The following GPR39 variants were observed in gnomAD, a reference collection of about 807,000 sequenced individuals.
The protein encoded by GPR39 is zinc sensing receptor.
A neutral mutation model predicts 18.4 loss-of-function variants in GPR39; 23 were observed. That is an observed-to-expected ratio of 1.25 (90% confidence interval 0.90 to 1.77). The LOEUF (loss-of-function observed/expected upper bound fraction) is 1.77. Among genes scored for constraint, GPR39 ranks in the 40% most tolerant of loss-of-function variants. GPR39 has a pLI of 0.00. For missense variants in GPR39, 647 were observed against 602.4 expected (o/e 1.07, Z -0.78); for synonymous variants, 280 against 257.9 (o/e 1.09, Z -0.82).
intron 1 of GPR39, among the ~76,000 whole-genome samples, chr2:132,528,189 C>T (rs895542369): frequency 6.6e-6 from 1 of 152,280 alleles, no homozygotes; most frequent in Non-Finnish European, 1.5e-5. Context: ...AATGGGGAAT[C>T]CTTTCTCCAT....
chr2:132,488,534 G>C (rs1416501673), intron 1 of GPR39: 3 of 153,610 alleles, frequency 2.0e-5, no homozygotes, highest in Non-Finnish European at 4.4e-5. Flanking sequence ...AGTGGTGGTG[G>C]AGATGGTAAG....
At chr2:132,631,135 G>A (rs1415789990) in intron 1 of GPR39, among the ~76,000 whole-genome samples, 2 of 152,168 alleles carry the variant, frequency 1.3e-5, no homozygotes, top group East Asian at 1.9e-4. Context: ...GCAGCTCCTG[G>A]AGGTGCTCTG....
intron 1 of GPR39, among the ~76,000 whole-genome samples, chr2:132,640,747 C>G (rs541156995): frequency 6.6e-6 from 1 of 152,210 alleles, no homozygotes; most frequent in African/African-American, 2.4e-5. Context: ...TTTGTCTTAG[C>G]CACAGGGTAG....
intron 1 of GPR39, among the ~76,000 whole-genome samples, chr2:132,639,729 T>G (rs1374222973): frequency 3.3e-5 from 5 of 152,184 alleles, no homozygotes; most frequent in African/African-American, 4.8e-5. Context: ...TCCCTTGGGC[T>G]GGGACTTTAC....
chr2:132,463,812 T>G (rs545375785), intron 1 of GPR39, among the ~76,000 whole-genome samples: 1 of 152,252 alleles, frequency 6.6e-6, no homozygotes, highest in Admixed American at 6.5e-5. Flanking sequence ...CTGGTTTTGC[T>G]TGGGCTCACT....
intron 1 of GPR39, 95 bp downstream of exon 1, chr2:132,417,993 C>A (rs1354904511): frequency 4.1e-6 from 6 of 1,449,942 alleles, no homozygotes; most frequent in Non-Finnish European, 5.5e-6. Context: ...GCAAGTCTTG[C>A]CCTAGAATTG....
intron 1 of GPR39, among the ~76,000 whole-genome samples, chr2:132,438,230 A>T (rs1382425376): frequency 1.3e-5 from 2 of 152,204 alleles, no homozygotes; most frequent in African/African-American, 4.8e-5. Flanking sequence ...GCTTATATAT[A>T]ATTAGGTCAT....
intron 1 of GPR39, among the ~76,000 whole-genome samples, chr2:132,568,883 G>A (rs1680395244): frequency 6.6e-6 from 1 of 152,100 alleles, no homozygotes; most frequent in African/African-American, 2.4e-5. Flanking sequence ...CAGGAGAGCT[G>A]CCAAGAGCCA....
Position 132,423,013 on chromosome 2 carries a change from G to A in GPR39, c.856+5115G>A, listed in dbSNP as rs151140654. Among the ~76,000 whole-genome samples, 9 of 152,048 alleles carry A rather than the reference G, an allele frequency of 5.9e-5. No homozygotes were observed. The East Asian group carries it at 1.5e-3, about 26-fold the overall frequency. On this transcript the variant is annotated intron_variant, in intron 1 of 1. Transcript: ENST00000329321. ...AAAGCCATTTACGAGTTGAGACAGCGCCGTGGAAGAATATTGAATTGGGAG... is the reference window on the plus strand; with the variant it reads ...AAAGCCATTTACGAGTTGAGACAGCACCGTGGAAGAATATTGAATTGGGAG...
intron 1 of GPR39, among the ~76,000 whole-genome samples, chr2:132,626,629 C>T (rs1250757326): frequency 1.3e-5 from 2 of 152,076 alleles, no homozygotes; most frequent in Middle Eastern, 3.2e-3. Context: ...AAGTAAACTC[C>T]TTTGTGATGT....
intron 1 of GPR39, among the ~76,000 whole-genome samples, chr2:132,633,300 CT>C (rs1480209826): frequency 6.7e-6 from 1 of 149,854 alleles, no homozygotes; most frequent in African/African-American, 2.5e-5. Flanking sequence ...ATATCCTCTA[CT>C]TTTTTTCCAC....
chr2:132,645,274 T>C lies in GPR39; in HGVS notation c.1030T>C (p.Tyr344His). Residue 344 changes from tyrosine to histidine, a missense_variant, in exon 2 of 2, where the codon TAC becomes CAC. Transcript: ENST00000329321. ...YLSSVINPLLYTVSSQQFRRV... is the reference protein window; with the variant it reads ...YLSSVINPLLHTVSSQQFRRV... The stretch of plus-strand genomic sequence containing the variant: ...CAGCTCGGTCATCAACCCGCTCCTG[T>C]ACACGGTGTCCTCGCAGCAGTTTCG... 1.2e-6 allele frequency: 2 copies of C among 1,614,194 alleles called. No homozygotes were observed. The highest frequency in any genetic ancestry group is 1.7e-6 in the Non-Finnish European group (2 of 1,180,028).
intron 1 of GPR39, among the ~76,000 whole-genome samples, chr2:132,621,886 A>G (rs1473526219): frequency 6.6e-6 from 1 of 152,086 alleles, no homozygotes; most frequent in Non-Finnish European, 1.5e-5. Context: ...CATCTTCTCT[A>G]TTTCCAGCAG....
chr2:132,423,317 C>T (rs1680050413), intron 1 of GPR39, among the ~76,000 whole-genome samples: 2 of 150,202 alleles, frequency 1.3e-5, no homozygotes, highest in Admixed American at 6.6e-5. Context: ...GTGTCTCTTG[C>T]TCTTCTTATA....
At chr2:132,576,285 A>G (rs964914724) in intron 1 of GPR39, among the ~76,000 whole-genome samples, 31 of 152,172 alleles carry the variant, frequency 2.0e-4, no homozygotes, top group Admixed American at 1.7e-3. Flanking sequence ...AACAGGGTCT[A>G]TCACAGAGCA....
chr2:132,458,458 T>TTGTGTGTGTGTGTGTGTG (rs57137481), intron 1 of GPR39, among the ~76,000 whole-genome samples: 3 of 132,206 alleles, frequency 2.3e-5, no homozygotes, highest in South Asian at 5.4e-4. Context: ...CTCGGTGTGT[T>TTGTGTGTGTGTGTGTGTG]TGTGTGTGTG....
chr2:132,501,386 T>TG (rs1679035224), intron 1 of GPR39, among the ~76,000 whole-genome samples: 1 of 152,178 alleles, frequency 6.6e-6, no homozygotes, highest in Admixed American at 6.5e-5. Context: ...TTGCATGCTT[T>TG]TGAGAGTTCC....
chr2:132,559,859 A>G (rs1680217727), intron 1 of GPR39, among the ~76,000 whole-genome samples: 2 of 152,060 alleles, frequency 1.3e-5, no homozygotes, highest in African/African-American at 4.8e-5. Context: ...GTACATTTCT[A>G]ACAAGTTCCT....
At chr2:132,458,588 T>C (rs1680778072) in intron 1 of GPR39, among the ~76,000 whole-genome samples, 1 of 152,114 alleles carries the variant, frequency 6.6e-6, no homozygotes, top group South Asian at 2.1e-4. Flanking sequence ...GCTGAATGTT[T>C]TTTTGTTTGC....
Sources: allele counts gnomAD v4.1 joint callset (sites outside exome capture counted in the v4.1 genomes callset), GRCh38; gene constraint gnomAD v4.1.1; transcripts MANE v1.5; gene names NCBI Gene and HGNC (gene_info 2026-07-23, HGNC 2026-07-21).